Variants in ITPR1 observed in about 807,000 individuals in gnomAD.
The protein encoded by ITPR1 is inositol 1,4,5-trisphosphate receptor type 1.
ITPR1 carries 96 observed loss-of-function variants against 318.4 expected under a neutral mutation model. The ratio of observed to expected loss-of-function variants is 0.30; its 90% CI spans 0.26 to 0.36. The LOEUF is 0.36. Among genes scored for constraint, ITPR1 ranks in the 10% least tolerant of loss-of-function variants. The pLI, the probability that ITPR1 is intolerant of heterozygous loss-of-function variation, is 1.00. For missense variants in ITPR1, 2,440 were observed against 3,460.2 expected (o/e 0.71, Z 7.40); for synonymous variants, 1,312 against 1,289.9 (o/e 1.02, Z -0.37).
chr3:4,713,082 A>G (rs2041503062), intron 39 of ITPR1, among the ~76,000 whole-genome samples: 1 of 152,154 alleles, frequency 6.6e-6, no homozygotes, highest in Admixed American at 6.5e-5. Flanking sequence ...ACAAGAAAAG[A>G]AAAAAGGTGG....
At chr3:4,603,936 A>T (rs1343440261) in intron 4 of ITPR1, among the ~76,000 whole-genome samples, 3 of 152,168 alleles carry the variant, frequency 2.0e-5, no homozygotes, top group African/African-American at 7.2e-5. Flanking sequence ...ACTAATTTAC[A>T]TTTCTACCAA....
intron 4 of ITPR1, among the ~76,000 whole-genome samples, chr3:4,566,675 C>T (rs534655660): frequency 6.6e-6 from 1 of 151,156 alleles, no homozygotes; most frequent in East Asian, 2.0e-4. Context: ...AGGTGTTTCC[C>T]AGGTTCCTAA....
intron 4 of ITPR1, among the ~76,000 whole-genome samples, chr3:4,625,857 C>G (rs912119103): frequency 2.0e-5 from 3 of 152,074 alleles, no homozygotes; most frequent in African/African-American, 4.8e-5. Context: ...GCATCTGGCC[C>G]AAGTTCATTA....
At chr3:4,728,402 A>G (rs1398675993) in intron 42 of ITPR1, among the ~76,000 whole-genome samples, 2 of 152,208 alleles carry the variant, frequency 1.3e-5, no homozygotes, top group Non-Finnish European at 2.9e-5. Flanking sequence ...ACCTGTCATT[A>G]TGAAGACTGT....
intron 4 of ITPR1, among the ~76,000 whole-genome samples, chr3:4,534,821 CT>C (rs1221112819): frequency 6.6e-6 from 1 of 152,162 alleles, no homozygotes; most frequent in African/African-American, 2.4e-5. Flanking sequence ...TCTCCTCCCC[CT>C]ATAACCATTC....
chr3:4,756,391 G>C (rs1475241812), intron 44 of ITPR1, among the ~76,000 whole-genome samples: 2 of 152,102 alleles, frequency 1.3e-5, no homozygotes, highest in East Asian at 3.8e-4. Flanking sequence ...GTAAACTCAT[G>C]TCACTGGGGT....
intron 31 of ITPR1, among the ~76,000 whole-genome samples, chr3:4,688,959 A>G (rs2094439522): frequency 6.6e-6 from 1 of 152,230 alleles, no homozygotes; most frequent in Admixed American, 6.5e-5. Flanking sequence ...TCATGCATAA[A>G]GTTTTCTGTG....
intron 30 of ITPR1, among the ~76,000 whole-genome samples, chr3:4,687,465 T>C (rs1465271769): frequency 6.6e-6 from 1 of 152,052 alleles, no homozygotes; most frequent in African/African-American, 2.4e-5. Flanking sequence ...AGCCAGGAAG[T>C]TGGAGATCTG....
intron 44 of ITPR1, among the ~76,000 whole-genome samples, chr3:4,741,822 G>C (rs1175053264): frequency 6.6e-6 from 1 of 152,182 alleles, no homozygotes; most frequent in Non-Finnish European, 1.5e-5. Context: ...AGCAAGTTAC[G>C]TAAATGGGTG....
chr3:4,847,374 T>C lies in ITPR1; in HGVS notation c.*1149T>C, dbSNP rs2051860542. 7.2e-6 allele frequency: 1 copy of C among 139,292 alleles called. No homozygotes were observed. Among genetic ancestry groups the C allele is most frequent in the Non-Finnish European group, 1.5e-5 (1 of 64,664 alleles). 8.6% of individuals were successfully genotyped at this position (139,292 alleles called of 1,614,324 possible). ...TGCCTAGTTTTGTACATGGATCTCA[T>C]TTTACAAGAGAATCTCTCTGCAAAA... On this transcript the variant is annotated 3_prime_UTR_variant, in exon 62 of 62. Coordinates refer to ENST00000649015, the MANE Select transcript of ITPR1 (RefSeq NM_001378452.1).
At chr3:4,683,274 C>G in intron 26 of ITPR1, 112 bp from the exon 27 acceptor site, 1 of 995,610 alleles carries the variant, frequency 1.0e-6, no homozygotes, top group South Asian at 1.3e-5. Context: ...AATTGCATGT[C>G]TGGAGATCAC....
Position 4,711,909 on chromosome 3 carries a change from T to C in ITPR1, c.5103+41T>C, listed in dbSNP as rs552025213. 4.6e-6 allele frequency: 5 copies of C among 1,093,738 alleles called. No individual in the cohort carries two copies. The South Asian group carries it at 8.3e-5, about 18-fold the overall frequency. 67.8% of individuals were successfully genotyped at this position (1,093,738 alleles called of 1,614,324 possible). A position where few individuals can be genotyped will look rare whatever the true frequency, so the allele number is the denominator to read the frequency against. On this transcript the variant is annotated intron_variant, in intron 39 of 61. Coordinates refer to ENST00000649015, the MANE Select transcript of ITPR1 (RefSeq NM_001378452.1). ...TTCATGGTCAAACCAGGTTTTACTATGAAACTGAAGGGAGGGACCTTTCAA... is the reference window on the plus strand; with the variant it reads ...TTCATGGTCAAACCAGGTTTTACTACGAAACTGAAGGGAGGGACCTTTCAA...
intron 53 of ITPR1, among the ~76,000 whole-genome samples, chr3:4,796,293 G>T (rs1346456570): frequency 1.1e-5 from 1 of 91,360 alleles, no homozygotes; most frequent in Non-Finnish European, 2.4e-5. Flanking sequence ...CACAAGTCCA[G>T]GGGGGATTTT....
chr3:4,786,155 C>T (rs1057171813), intron 51 of ITPR1, among the ~76,000 whole-genome samples: 2 of 152,278 alleles, frequency 1.3e-5, no homozygotes, highest in African/African-American at 4.8e-5. Flanking sequence ...AGCACTTGTC[C>T]ATAGTCCACT....
At chr3:4,687,679 A>C (rs2094417465) in intron 30 of ITPR1, among the ~76,000 whole-genome samples, 1 of 152,232 alleles carries the variant, frequency 6.6e-6, no homozygotes, top group Non-Finnish European at 1.5e-5. Flanking sequence ...CAAAATGGCC[A>C]TGGGTTTTAT....
intron 55 of ITPR1, among the ~76,000 whole-genome samples, chr3:4,808,890 G>T (rs1265621764): frequency 2.0e-5 from 3 of 152,272 alleles, no homozygotes; most frequent in African/African-American, 7.2e-5. Context: ...GGCCGGACCT[G>T]GTCGTGAGCC....
chr3:4,611,297 C>T (rs931379319), intron 4 of ITPR1, among the ~76,000 whole-genome samples: 6 of 149,854 alleles, frequency 4.0e-5, no homozygotes, highest in Non-Finnish European at 7.4e-5. Context: ...CAGTGGCTCA[C>T]GCCTGTAATC....
chr3:4,677,068 A>G (rs185760713), intron 24 of ITPR1, among the ~76,000 whole-genome samples: 1 of 151,976 alleles, frequency 6.6e-6, no homozygotes, highest in Admixed American at 6.5e-5. Context: ...CTCCATGCCA[A>G]CCCTCTGCCT....
In ITPR1 at chr3:4,800,607, G is replaced by A. The variant is rs1340204871; in HGVS notation, c.7107+7G>A. ...TCTTCTGGGCGCTTTCAATGTAAGT[G>A]TGAATACCTTCCTTGCCACTGTTTT... On this transcript the variant is annotated splice_region_variant and intron_variant, in intron 54 of 61. Coordinates refer to ENST00000649015, the MANE Select transcript of ITPR1 (RefSeq NM_001378452.1). 4 of 1,612,824 alleles carry A rather than the reference G, an allele frequency of 2.5e-6. No individual in the cohort carries two copies. In the African/African-American group the frequency reaches 5.3e-5, roughly 22 times the overall value.
Sources: gnomAD v4.1 joint callset for allele counts (sites outside exome capture counted in the v4.1 genomes callset) on GRCh38, gnomAD v4.1.1 for gene constraint, MANE v1.5 for transcripts, NCBI Gene and HGNC (gene_info 2026-07-23, HGNC 2026-07-21) for gene names.